Variants in SORBS2 observed in about 807,000 individuals in gnomAD.
SORBS2 encodes the protein sorbin and SH3 domain containing 2, also known as sorbin and SH3 domain-containing protein 2.
SORBS2 carries 46 observed loss-of-function variants against 97.7 expected under a neutral mutation model. That is an observed-to-expected ratio of 0.47 (90% CI 0.37 to 0.60). The LOEUF (loss-of-function observed/expected upper bound fraction) is 0.60. SORBS2 is among the 20% of genes least tolerant of loss of function. SORBS2 has a pLI of 0.00. For missense variants in SORBS2, 1,316 were observed against 1,282.3 expected, an observed-to-expected ratio of 1.03 and a Z score of -0.40; for synonymous variants, 476 against 473.4, an observed-to-expected ratio of 1.01 and a Z score of -0.07.
chr4:185,782,071 C>T (rs138642746), intron 1 of SORBS2, among the ~76,000 whole-genome samples: 261 of 152,322 alleles, frequency 1.7e-3, no homozygotes, highest in African/African-American at 5.7e-3. Context: ...GGGGCCAATA[C>T]GTAGTTGCTG....
rs142474561 is a variant in SORBS2, at chr4:185,765,639, C to T, written c.-198+9588G>A. Among the ~76,000 whole-genome samples the T allele has an allele frequency of 9.8e-4, 150 of 152,310 alleles. 2 individuals carry two copies. Among genetic ancestry groups the T allele is most frequent in the African/African-American group, 3.4e-3 (142 of 41,576 alleles). ...TCTCACCATGTGAGACAAAAAAACA[C>T]GTGTGTGCCAATTCTAAATTAATTT... On this transcript the variant is annotated intron_variant, in intron 2 of 20. Coordinates refer to the SORBS2 transcript ENST00000284776.
intron 2 of SORBS2, among the ~76,000 whole-genome samples, chr4:185,744,670 A>G (rs1436445823): frequency 6.6e-6 from 1 of 152,232 alleles, no homozygotes; most frequent in Non-Finnish European, 1.5e-5. Context: ...ACTTTCCACA[A>G]ATTCAAAACT....
At chr4:185,809,492 G>A (rs1311669665) in intron 1 of SORBS2, among the ~76,000 whole-genome samples, 16 of 120,678 alleles carry the variant, frequency 1.3e-4, no homozygotes, top group African/African-American at 4.9e-4. Context: ...ATCTGATATA[G>A]TATGTTTTGG....
intron 1 of SORBS2, among the ~76,000 whole-genome samples, chr4:185,826,651 G>A (rs1317151649): frequency 2.0e-5 from 3 of 152,074 alleles, no homozygotes; most frequent in Non-Finnish European, 1.5e-5. Context: ...CACTGGGTCA[G>A]TAGGAAAAAA....
intron 2 of SORBS2, among the ~76,000 whole-genome samples, chr4:185,704,505 GA>G (rs1397024937): frequency 3.3e-5 from 5 of 151,998 alleles, no homozygotes; most frequent in Admixed American, 2.0e-4. Context: ...TTTTAGTAGA[GA>G]TGGGGTTTCA....
At position 185,623,379 on chromosome 4, in the gene SORBS2, C is replaced by T. The variant is rs529934222; in HGVS notation, c.1750G>A (p.Glu584Lys). 2.4e-5 allele frequency: 38 copies of T among 1,612,802 alleles called. No homozygotes were observed. The highest frequency in any genetic ancestry group is 3.3e-5 in the Admixed American group (2 of 60,000). Residue 584 changes from glutamate (E) to lysine (K), a missense_variant, in exon 7 of 15, where the codon GAA (glutamate) becomes AAA (lysine). Transcript: ENST00000418609. This position sits in a 1 kb window ranked among gnomAD's most constrained non-coding sequence, Gnocchi z 6.4. ...TGCCTTCTGGGCTCCTCGGTGTTTTCGTGTCTGGCTCTTTCGTGTTTTAAC... is the reference window on the plus strand; with the variant it reads ...TGCCTTCTGGGCTCCTCGGTGTTTTTGTGTCTGGCTCTTTCGTGTTTTAAC...
intron 1 of SORBS2, chr4:185,656,509 G>A: frequency 1.5e-6 from 1 of 651,362 alleles, no homozygotes; most frequent in Non-Finnish European, 2.5e-6. Context: ...GGCTGCCCAG[G>A]TCTGCATTCC....
At position 185,735,190 on chromosome 4, in the gene SORBS2, A is replaced by G. The variant is rs146701777; in HGVS notation, c.-198+40037T>C. 6.6e-3 allele frequency among the ~76,000 whole-genome samples: 1,001 copies of G among 152,210 alleles called. 9 individuals are homozygous for G. The highest frequency in any genetic ancestry group is 0.01 in the Middle Eastern group (3 of 294). On this transcript the variant is annotated intron_variant, in intron 2 of 20. Coordinates refer to the SORBS2 transcript ENST00000284776. ...GGGAGCTGCCTGGGGGCTGGTGGGA[A>G]CTTGCCAGGGGTCCTCATATCCCTT...
At position 185,744,683 on chromosome 4, in the gene SORBS2, T is replaced by C. The variant is rs1463504817; in HGVS notation, c.-198+30544A>G. The stretch of plus-strand genomic sequence containing the variant: ...GAACTTTCCACAAATTCAAAACTGT[T>C]TGATGAACTGACAATGTCCAAGTCC... On this transcript the variant is annotated intron_variant, in intron 2 of 20. Transcript: ENST00000284776. Among the ~76,000 whole-genome samples the C allele has an allele frequency of 5.9e-5, 9 of 152,330 alleles. No individual in the cohort carries two copies. In the East Asian group the frequency reaches 9.6e-4, roughly 16 times the overall value.
intron 2 of SORBS2, among the ~76,000 whole-genome samples, chr4:185,743,144 T>C (rs947112902): frequency 1.3e-5 from 2 of 152,160 alleles, no homozygotes; most frequent in Non-Finnish European, 2.9e-5. Context: ...ATTAGACACA[T>C]TGTCCTTTTT....
exon 6 of SORBS2, chr4:185,626,989 C>T (rs752649837): frequency 6.2e-7 from 1 of 1,614,196 alleles, no homozygotes; most frequent in Admixed American, 1.7e-5. Context: ...TCTTCCTCCG[C>T]TTCCTGAAGT....
rs78009778 is a variant in SORBS2, at chr4:185,846,559, C to A, written c.-337-71193G>T. Among the ~76,000 whole-genome samples, 1,008 of 152,268 alleles carry A rather than the reference C, an allele frequency of 6.6e-3. 8 individuals carry two copies. Among genetic ancestry groups the A allele is most frequent in the African/African-American group, 0.022 (918 of 41,548 alleles). On this transcript the variant is annotated intron_variant, in intron 1 of 20. Transcript: ENST00000284776. ...TGTATATAAATTATACTTTCATAAA[C>A]CTGACTTTAAAACATGACTGAGACT...
intron 2 of SORBS2, among the ~76,000 whole-genome samples, chr4:185,681,758 C>T (rs747314792): frequency 2.6e-5 from 4 of 152,266 alleles, no homozygotes; most frequent in African/African-American, 7.2e-5. Context: ...AAGACATTCC[C>T]GGTTCCATGT....
chr4:185,700,191 A>G (rs1479078974), intron 2 of SORBS2, among the ~76,000 whole-genome samples: 1 of 152,212 alleles, frequency 6.6e-6, no homozygotes, highest in Non-Finnish European at 1.5e-5. Flanking sequence ...CTTTAATGCA[A>G]TTGTTGAAAA....
chr4:185,746,241 A>G (rs1363555585), intron 2 of SORBS2, among the ~76,000 whole-genome samples: 4 of 152,164 alleles, frequency 2.6e-5, no homozygotes, highest in Admixed American at 6.5e-5. Context: ...GCATGGTTTC[A>G]GGGGTGTTTT....
intron 1 of SORBS2, among the ~76,000 whole-genome samples, chr4:185,907,085 G>A (rs949996571): frequency 4.0e-5 from 6 of 151,406 alleles, no homozygotes; most frequent in African/African-American, 1.5e-4. Context: ...GCAGTGAGCT[G>A]AGATGGTGCC....
intron 1 of SORBS2, among the ~76,000 whole-genome samples, chr4:185,854,823 G>GAGAGCC (rs1561237598): frequency 6.6e-6 from 1 of 152,014 alleles, no homozygotes; most frequent in African/African-American, 2.4e-5. Flanking sequence ...GAGAGCCTTA[G>GAGAGCC]TTAGTTTACT....
intron 3 of SORBS2, 45 bp from the exon 13 acceptor site, chr4:185,646,827 T>C (rs1300931215): frequency 9.0e-7 from 1 of 1,117,278 alleles, no homozygotes; most frequent in Admixed American, 1.7e-5. Context: ...TCCTTTTTGC[T>C]TAAAGCAATT....
intron 2 of SORBS2, among the ~76,000 whole-genome samples, chr4:185,683,999 T>TAACC (rs1341199809): frequency 1.4e-5 from 2 of 147,764 alleles, no homozygotes; most frequent in Non-Finnish European, 3.0e-5. Flanking sequence ...AAACTGCAGC[T>TAACC]AACCAACCAG....
Sources: gnomAD v4.1 joint callset for allele counts (sites outside exome capture counted in the v4.1 genomes callset) on GRCh38, gnomAD v4.1.1 for gene constraint, Gnocchi (gnomAD v3.1) non-coding constraint, MANE v1.5 for transcripts, NCBI Gene and HGNC (gene_info 2026-07-23, HGNC 2026-07-21) for gene names.